Variants in MAP4K2 observed in about 807,000 individuals in gnomAD.
MAP4K2 encodes B lymphocyte serine/threonine protein kinase.
MAP4K2 carries 85 observed loss-of-function variants against 125.3 expected under a neutral mutation model. The ratio of observed to expected loss-of-function variants is 0.68; its 90% CI spans 0.57 to 0.81. The LOEUF is 0.81. Among genes scored for constraint, MAP4K2 ranks in the 40% least tolerant of loss-of-function variants. The pLI, the probability that MAP4K2 is intolerant of heterozygous loss-of-function variation, is 0.00. For synonymous variants in MAP4K2, 479 were observed against 445.1 expected (o/e 1.08, Z -0.96); for missense variants, 923 against 1,056.4 (o/e 0.87, Z 1.75).
In MAP4K2 at chr11:64,796,887, C is replaced by T. The variant is rs775870622; in HGVS notation, c.1414G>A (p.Ala472Thr). ...LPPTPKVHMG[A>T]CFSKVFNGCP... is the part of the protein sequence containing the mutation. ...CCATTGAAGACCTTGGAGAAGCAGG[C>T]GCCCATCTGCAGAGGAGGCAAGAGG... The change falls in exon 21 of 32, where the codon GCC becomes ACC. Residue 472 changes from alanine to threonine, a missense_variant. Physicochemically the swap from Ala to Thr is moderately conservative, Grantham distance 58. Transcript: ENST00000294066. 5.0e-6 allele frequency: 8 copies of T among 1,613,804 alleles called. No homozygotes were observed. The highest frequency in any genetic ancestry group is 5.9e-6 in the Non-Finnish European group (7 of 1,180,040).
At chr11:64,793,499 G>A (rs1180449314) in intron 24 of MAP4K2, among the ~76,000 whole-genome samples, 1 of 152,176 alleles carries the variant, frequency 6.6e-6, no homozygotes, top group Non-Finnish European at 1.5e-5. Context: ...TGGCCACTGA[G>A]TGTCCCCTAA....
At position 64,797,114 on chromosome 11, in the gene MAP4K2, T is replaced by TCCC; in HGVS notation, c.1352_1354dup (p.Arg451_Glu452insGly). 1 of 1,614,096 alleles carries TCCC rather than the reference T, an allele frequency of 6.2e-7. No individual in the cohort carries two copies. Among genetic ancestry groups the TCCC allele is most frequent in the South Asian group, 1.1e-5 (1 of 91,082 alleles). On this transcript the variant is annotated inframe_insertion, in exon 19 of 32. Transcript: ENST00000294066. ...GTAGCACCCTCTTACCTCAGGATCC[T>TCCC]CCCGCTGCTTCATGGTGGCCCAGGC...
chr11:64,798,275 C>G (rs1188553935), intron 15 of MAP4K2, among the ~76,000 whole-genome samples: 1 of 152,208 alleles, frequency 6.6e-6, no homozygotes, highest in African/African-American at 2.4e-5. Flanking sequence ...AAGCGATTCT[C>G]CTGTCTTAGC....
intron 18 of MAP4K2, 23 bp downstream of exon 18, chr11:64,797,252 G>A (rs771998583): frequency 2.5e-6 from 4 of 1,599,626 alleles, no homozygotes; most frequent in Non-Finnish European, 3.4e-6. Context: ...GCTGCCTCCT[G>A]GCCTCCCAAG....
intron 17 of MAP4K2, 49 bp from the exon 18 acceptor site, chr11:64,797,429 AACCAC>A (rs1244125370): frequency 6.4e-7 from 1 of 1,557,642 alleles, no homozygotes; most frequent in Non-Finnish European, 8.7e-7. Flanking sequence ...GTTGCCCTGT[AACCAC>A]ATCCCACTCC....
chr11:64,798,932 CA>C, intron 14 of MAP4K2, 95 bp from the exon 15 acceptor site: 1 of 1,044,098 alleles, frequency 9.6e-7, no homozygotes, highest in South Asian at 1.5e-5. Flanking sequence ...GACAGACAGA[CA>C]GACAGACGGG....
rs199898921 is a variant in MAP4K2 at position 64,800,247 on chromosome 11, T to C, written c.808-31A>G. 6 of 1,610,138 alleles carry C rather than the reference T, an allele frequency of 3.7e-6. No individual in the cohort carries two copies. The Admixed American group carries it at 1.0e-4, about 27-fold the overall frequency. The stretch of plus-strand genomic sequence containing the variant: ...AAGTGGGGGAGGGGGGTGATCAGGT[T>C]GGCCCCTGATCCAGGGCCCTGCTTT... On this transcript the variant is annotated intron_variant, in intron 11 of 31. Coordinates refer to ENST00000294066, the MANE Select transcript of MAP4K2 (RefSeq NM_004579.5).
At position 64,797,621 on chromosome 11, in the gene MAP4K2, C is replaced by T; in HGVS notation, c.1136+5G>A. 1.3e-6 allele frequency: 2 copies of T among 1,581,056 alleles called. No homozygotes were observed. Among genetic ancestry groups the T allele is most frequent in the South Asian group, 2.3e-5 (2 of 86,638 alleles). On this transcript the variant is annotated splice_donor_5th_base_variant and intron_variant, in intron 16 of 31. Transcript: ENST00000294066. ...TTGCCCCTCCCCCAGGCCCACATCC[C>T]TCACCTTTCCTCCAGGGCCTCCTGG...
chr11:64,792,458 G>A (rs1466495435), intron 24 of MAP4K2, 36 bp from the exon 25 acceptor site: 1 of 1,551,162 alleles, frequency 6.4e-7, no homozygotes, highest in South Asian at 1.2e-5. Context: ...TGTCTGGGAT[G>A]CCATCCATGG....
chr11:64,797,055 T>G (rs367568510), intron 19 of MAP4K2, 32 bp from the exon 20 acceptor site: 1 of 1,614,048 alleles, frequency 6.2e-7, no homozygotes, highest in South Asian at 1.1e-5. Context: ...AGGGCTGATA[T>G]GACAGCTGTA....
chr11:64,792,035 G>C lies in MAP4K2; in HGVS notation c.1966C>G (p.Leu656Val). 1 of 1,596,510 alleles carries C rather than the reference G, an allele frequency of 6.3e-7. No individual in the cohort carries two copies. The highest frequency in any genetic ancestry group is 1.3e-5 in the African/African-American group (1 of 74,674). Residue 656 changes from leucine to valine, a missense_variant, in exon 27 of 32, where the codon CTG becomes GTG. Transcript: ENST00000294066. ...ACCTGCGGCAGCTCCTTCCCATCCAGCACCAGCGGCTCCAGCATCCCAGCT... is the reference window on the plus strand; with the variant it reads ...ACCTGCGGCAGCTCCTTCCCATCCACCACCAGCGGCTCCAGCATCCCAGCT... ...SPAGMLEPLV[L>V]DGKELPQVCV...
chr11:64,799,427 A>G lies in MAP4K2; in HGVS notation c.1047T>C (p.Asn349=), dbSNP rs577821540. 6.2e-7 allele frequency: 1 copy of G among 1,612,730 alleles called. No homozygotes were observed. Residue 349 remains asparagine (N), a synonymous_variant, in exon 14 of 32, where the codon AAT becomes AAC. Coordinates refer to ENST00000294066, the MANE Select transcript of MAP4K2 (RefSeq NM_004579.5). ...APRRKETDPL[N]EPWEEEWTLL... ...TCAAGGCCTGCCCACTCACCGGCTC[A>G]TTCAGTGGGTCAGTTTCCTTCCTGC... is the stretch of plus-strand genomic sequence containing the variant.
At chr11:64,791,507 T>C (rs1339329353) in intron 27 of MAP4K2, among the ~76,000 whole-genome samples, 1 of 152,204 alleles carries the variant, frequency 6.6e-6, no homozygotes, top group Non-Finnish European at 1.5e-5. Context: ...TCAGCCCAAG[T>C]AGCTGGGACT....
chr11:64,800,733 G>A, intron 10 of MAP4K2, 31 bp downstream of exon 10: 1 of 1,579,374 alleles, frequency 6.3e-7, no homozygotes, highest in Non-Finnish European at 8.6e-7. Flanking sequence ...TGACAGAAAA[G>A]GGGGTCCCGG....
rs1287463116 is a variant in MAP4K2 at position 64,791,999 on chromosome 11, C to T, written c.2002G>A (p.Ala668Thr). Residue 668 changes from alanine (A) to threonine (T), a missense_variant, in exon 27 of 32, where the codon GCC becomes ACC. Coordinates refer to ENST00000294066, the MANE Select transcript of MAP4K2 (RefSeq NM_004579.5). ...GKELPQVCVG[A>T]EGPEGPGCRV... ...CAGCCGGGCCCCTCAGGCCCCTCGG[C>T]CCCAACACACACCTGCGGCAGCTCC... 1 of 1,601,440 alleles carries T rather than the reference C, an allele frequency of 6.2e-7. No homozygotes were observed. The highest frequency in any genetic ancestry group is 1.1e-5 in the South Asian group (1 of 88,980).
Position 64,803,127 on chromosome 11 carries a change from G to A in MAP4K2, c.23C>T (p.Ser8Leu). 1.4e-5 allele frequency: 22 copies of A among 1,565,254 alleles called. No individual in the cohort carries two copies. The highest frequency in any genetic ancestry group is 1.0e-4 in the East Asian group (4 of 40,200). MALLRDVSLQDPRDRFEL... is the reference protein window; with the variant it reads MALLRDVLLQDPRDRFEL... ...GAAGCGGTCCCGCGGGTCCTGCAGC[G>A]ACACATCCCGCAGCAGCGCCATGGC... Residue 8 changes from serine (S) to leucine (L), a missense_variant, in exon 1 of 32, where the codon TCG (serine) becomes TTG (leucine). Ser to Leu is a moderately radical substitution (Grantham distance 145, BLOSUM62 -2). This residue lies in a region of MAP4K2 where 833 missense variants were observed against 911.4 expected (regional missense o/e 0.91). Transcript: ENST00000294066.
At chr11:64,801,073 C>A in intron 8 of MAP4K2, 38 bp downstream of exon 8, 1 of 1,613,674 alleles carries the variant, frequency 6.2e-7, no homozygotes, top group Non-Finnish European at 8.5e-7. Context: ...GTGCCCTGCT[C>A]TGTGGCCCCT....
chr11:64,792,260 G>C lies in MAP4K2; in HGVS notation c.1826C>G (p.Thr609Arg). The change falls in exon 26 of 32, where the codon ACG becomes AGG. Residue 609 changes from threonine to arginine, a missense_variant. Coordinates refer to ENST00000294066, the MANE Select transcript of MAP4K2 (RefSeq NM_004579.5). ...GGCGGCCAGCAGGAAGGTGGCACCC[G>C]TGTAGGGGTTCCGCACTGGCAGGGG... is the stretch of plus-strand genomic sequence containing the variant. ...LQCRVVRNPY[T>R]GATFLLAALP... 2 of 1,610,684 alleles carry C rather than the reference G, an allele frequency of 1.2e-6. No homozygotes were observed. The highest frequency in any genetic ancestry group is 8.5e-7 in the Non-Finnish European group (1 of 1,179,080).
At chr11:64,802,199 G>A in intron 4 of MAP4K2, 78 bp from the exon 5 acceptor site, 2 of 1,378,552 alleles carry the variant, frequency 1.5e-6, no homozygotes, top group East Asian at 2.3e-5. Context: ...TGTGGGAAAA[G>A]CAGCAGGCAC....
Sources: gnomAD v4.1 joint callset for allele counts (sites outside exome capture counted in the v4.1 genomes callset) on GRCh38, gnomAD v4.1.1 for gene constraint, gnomAD v4.1.1 regional missense constraint, MANE v1.5 for transcripts, NCBI Gene and HGNC (gene_info 2026-07-23, HGNC 2026-07-21) for gene names.